The following ZNF184 variants were observed in gnomAD, a reference collection of about 807,000 sequenced individuals.
The protein encoded by ZNF184 is zinc finger protein 184 (Kruppel-like).
Under a neutral mutation model 54.4 loss-of-function variants are expected in ZNF184, and 16 were observed. The ratio of observed to expected loss-of-function variants is 0.29; its 90% CI spans 0.20 to 0.45. The LOEUF (loss-of-function observed/expected upper bound fraction) is 0.45. Among genes scored for constraint, ZNF184 ranks in the 20% least tolerant of loss-of-function variants. The pLI is 1.00. For missense variants in ZNF184, 681 were observed against 888.2 expected (o/e 0.77, Z 2.97); for synonymous variants, 254 against 295.3 (o/e 0.86, Z 1.43).
At chr6:27,425,617 A>G in the ZNF184 span, among the ~76,000 whole-genome samples, 619 of 152,204 alleles carry the variant, frequency 4.1e-3, 6 homozygotes, top group African/African-American at 0.014. Flanking sequence ...TCTATTTGAA[A>G]TTTTCTGCAA....
At chr6:27,417,766 A>G in the ZNF184 span, among the ~76,000 whole-genome samples, 1 of 152,226 alleles carries the variant, frequency 6.6e-6, no homozygotes, top group African/African-American at 2.4e-5. Context: ...GCTCATAAGA[A>G]TATTGTTAAA....
chr6:27,428,966 A>T, the ZNF184 span, among the ~76,000 whole-genome samples: 2 of 152,234 alleles, frequency 1.3e-5, no homozygotes, highest in Non-Finnish European at 2.9e-5. The surrounding 1 kb of genome is among the most constrained non-coding windows in gnomAD (Gnocchi z 4.1). Flanking sequence ...CCGCCTCAGC[A>T]GCAGACACAA....
chr6:27,453,247 T>C lies in ZNF184; in HGVS notation c.312A>G (p.Arg104=). 6.3e-7 allele frequency: 1 copy of C among 1,594,076 alleles called. No individual in the cohort carries two copies. The highest frequency in any genetic ancestry group is 8.5e-7 in the Non-Finnish European group (1 of 1,172,866). Residue 104 remains arginine (R), a synonymous_variant, in exon 6 of 6, where the codon AGA becomes AGG. Transcript: ENST00000683788. The surrounding 1 kb of genome is among the most constrained non-coding windows in gnomAD (Gnocchi z 4.7). ...CTGGGGCTGACACACTATTTTCAAGTCTTGTCTCCCAGTCTAAAAGAAAAA... is the reference window on the plus strand; with the variant it reads ...CTGGGGCTGACACACTATTTTCAAGCCTTGTCTCCCAGTCTAAAAGAAAAA... ...PVGTCADWET[R]LENSVSAPEP...
At chr6:27,465,947 C>T (rs1024329011) in intron 3 of ZNF184, among the ~76,000 whole-genome samples, 8 of 152,188 alleles carry the variant, frequency 5.3e-5, no homozygotes, top group African/African-American at 1.7e-4. Context: ...CATGTCCCAA[C>T]CCTGAAACCT....
the ZNF184 span, among the ~76,000 whole-genome samples, chr6:27,430,466 G>A: frequency 9.9e-5 from 15 of 152,118 alleles, no homozygotes; most frequent in East Asian, 2.3e-3. Context: ...CTGGTTAGCA[G>A]CGTGGACTCT....
rs140488380 is a variant in ZNF184 at position 27,451,550 on chromosome 6, T to A, written c.2009A>T (p.Tyr670Phe). Reference sequence around the variant, plus strand: ...GGCTTTGTCACATTCATTGCACTTATAGGGCTTCTCCCCAGTGTGAATTCG... The same window carrying A: ...GGCTTTGTCACATTCATTGCACTTAAAGGGCTTCTCCCCAGTGTGAATTCG... The part of the protein sequence containing the change: ...HQRIHTGEKP[Y>F]KCNECDKAFS... Residue 670 changes from tyrosine to phenylalanine, a missense_variant, in exon 6 of 6, where the codon TAT becomes TTT. Tyr to Phe is a conservative substitution (Grantham distance 22). Transcript: ENST00000683788. 1 of 1,614,056 alleles carries A rather than the reference T, an allele frequency of 6.2e-7. No homozygotes were observed. Among genetic ancestry groups the A allele is most frequent in the African/African-American group, 1.3e-5 (1 of 74,936 alleles).
the ZNF184 span, among the ~76,000 whole-genome samples, chr6:27,427,616 C>T: frequency 1.2e-4 from 19 of 152,324 alleles, no homozygotes; most frequent in Admixed American, 9.1e-4. Flanking sequence ...ACTAGGTCTA[C>T]ATCTCTGCAC....
At chr6:27,439,644 A>G in the ZNF184 span, among the ~76,000 whole-genome samples, 1 of 152,230 alleles carries the variant, frequency 6.6e-6, no homozygotes, top group African/African-American at 2.4e-5. Flanking sequence ...GTATGAGCAC[A>G]ATACAGTAAG....
chr6:27,456,185 G>A (rs1350315798), intron 5 of ZNF184, among the ~76,000 whole-genome samples: 1 of 151,928 alleles, frequency 6.6e-6, no homozygotes, highest in Non-Finnish European at 1.5e-5. Context: ...TCAAGCCTGG[G>A]AAGCAGAAGC....
At chr6:27,438,927 G>T in the ZNF184 span, among the ~76,000 whole-genome samples, 1 of 152,044 alleles carries the variant, frequency 6.6e-6, no homozygotes, top group Admixed American at 6.5e-5. Flanking sequence ...ATCTCTAAAA[G>T]CTTCACTATT....
the ZNF184 span, among the ~76,000 whole-genome samples, chr6:27,423,584 C>G: frequency 2.0e-5 from 3 of 151,862 alleles, no homozygotes; most frequent in South Asian, 2.1e-4. Context: ...TTTCTCTGTT[C>G]TCAGCAATAC....
rs372090296 is a variant in ZNF184 at position 27,453,971 on chromosome 6, A to C, written c.299-711T>G. Among the ~76,000 whole-genome samples, 8 of 152,354 alleles carry C rather than the reference A, an allele frequency of 5.3e-5. No individual in the cohort carries two copies. The East Asian group carries it at 5.8e-4, about 11-fold the overall frequency. On this transcript the variant is annotated intron_variant, in intron 5 of 5. Transcript: ENST00000683788. This position sits in a 1 kb window ranked among gnomAD's most constrained non-coding sequence, Gnocchi z 4.7. ...AAAGCCTTAGAAATATATGTGAAAA[A>C]GAGCAGAGGCAGAGGGAAGATCCTT...
At chr6:27,454,449 G>A (rs952346272) in intron 5 of ZNF184, among the ~76,000 whole-genome samples, 6 of 152,280 alleles carry the variant, frequency 3.9e-5, no homozygotes, top group South Asian at 2.1e-4. Context: ...GGAAACAGCC[G>A]ATTGTTCAAG....
chr6:27,431,413 C>G, the ZNF184 span, among the ~76,000 whole-genome samples: 1 of 152,210 alleles, frequency 6.6e-6, no homozygotes, highest in Non-Finnish European at 1.5e-5. Context: ...GAGATAGATA[C>G]ATGTCTCTGA....
chr6:27,425,182 C>A, the ZNF184 span, among the ~76,000 whole-genome samples: 1 of 152,212 alleles, frequency 6.6e-6, no homozygotes, highest in South Asian at 2.1e-4. Flanking sequence ...GCGCCGCGCG[C>A]AACCCTGGTT....
At chr6:27,430,866 T>C in the ZNF184 span, among the ~76,000 whole-genome samples, 1 of 152,244 alleles carries the variant, frequency 6.6e-6, no homozygotes, top group African/African-American at 2.4e-5. Flanking sequence ...CCACTGACCT[T>C]TGTTTATACT....
At chr6:27,412,633 C>T in the ZNF184 span, among the ~76,000 whole-genome samples, 1 of 152,188 alleles carries the variant, frequency 6.6e-6, no homozygotes, top group African/African-American at 2.4e-5. Flanking sequence ...GTGACCATGG[C>T]CTGTGACACA....
chr6:27,416,267 C>T, the ZNF184 span, among the ~76,000 whole-genome samples: 1 of 152,098 alleles, frequency 6.6e-6, no homozygotes, highest in Non-Finnish European at 1.5e-5. Flanking sequence ...ATAGGACTAT[C>T]GTGAGAGAAT....
the ZNF184 span, among the ~76,000 whole-genome samples, chr6:27,435,050 T>C: frequency 7.2e-5 from 11 of 152,234 alleles, no homozygotes; most frequent in Non-Finnish European, 1.5e-4. Flanking sequence ...CACATTCTTC[T>C]GATTACTGTA....
Sources: allele counts gnomAD v4.1 joint callset (sites outside exome capture counted in the v4.1 genomes callset), GRCh38; gene constraint gnomAD v4.1.1; non-coding constraint Gnocchi (gnomAD v3.1); transcripts MANE v1.5; gene names NCBI Gene and HGNC (gene_info 2026-07-23, HGNC 2026-07-21).